FRYL: variants seen among roughly 807,000 people sequenced by gnomAD.
FRYL encodes the protein FRY like transcription coactivator.
A neutral mutation model predicts 351.2 loss-of-function variants in FRYL; 150 were observed. That is an observed-to-expected ratio of 0.43 (90% CI 0.37 to 0.49). The LOEUF (loss-of-function observed/expected upper bound fraction) is 0.49. Ranked by LOEUF, FRYL falls within the 20% of genes least tolerant of loss-of-function variation. The pLI, the probability that FRYL is intolerant of heterozygous loss-of-function variation, is 0.00. For missense variants in FRYL, 3,036 were observed against 3,619.3 expected (o/e 0.84, Z 4.13); for synonymous variants, 1,153 against 1,257.1 (o/e 0.92, Z 1.75).
chr4:48,522,274 C>T (rs1255685123), intron 54 of FRYL, among the ~76,000 whole-genome samples: 1 of 152,136 alleles, frequency 6.6e-6, no homozygotes, highest in Non-Finnish European at 1.5e-5. Context: ...GTGTGAGACC[C>T]TGTGCCTAAA....
chr4:48,525,162 GGTATAT>G lies in FRYL; in HGVS notation c.7318-2064_7318-2059del, dbSNP rs1383042094. ...TATTCTTGCAACTTTTATTTTTAAAGGTATATATATATATATATATATATATATATA... is the reference window on the plus strand; with the variant it reads ...TATTCTTGCAACTTTTATTTTTAAAGATATATATATATATATATATATATA... On this transcript the variant is annotated intron_variant, in intron 53 of 63. Coordinates refer to ENST00000358350, the MANE Select transcript of FRYL (RefSeq NM_015030.2). 1.0e-3 allele frequency among the ~76,000 whole-genome samples: 121 copies of G among 118,484 alleles called. 1 individual carries two copies. The highest frequency in any genetic ancestry group is 8.4e-3 in the Middle Eastern group (2 of 238). The allele number at this position is 118,484 out of a possible 152,430, so 77.7% of individuals were successfully genotyped here. A position where few individuals can be genotyped will look rare whatever the true frequency, so the allele number is the denominator to read the frequency against.
intron 9 of FRYL, among the ~76,000 whole-genome samples, chr4:48,607,262 A>G (rs551860066): frequency 1.3e-5 from 2 of 152,294 alleles, no homozygotes; most frequent in East Asian, 3.9e-4. Flanking sequence ...GACTTTACTG[A>G]TAATGTTACT....
At chr4:48,654,236 T>A (rs1336444424) in intron 3 of FRYL, among the ~76,000 whole-genome samples, 11 of 133,452 alleles carry the variant, frequency 8.2e-5, no homozygotes, top group South Asian at 2.4e-4. Flanking sequence ...AGAAATTTTT[T>A]AAAAAATAAA....
chr4:48,512,630 G>A lies in FRYL; in HGVS notation c.7996C>T (p.Pro2666Ser). 1 of 1,614,036 alleles carries A rather than the reference G, an allele frequency of 6.2e-7. No individual in the cohort carries two copies. Among genetic ancestry groups the A allele is most frequent in the Non-Finnish European group, 8.5e-7 (1 of 1,179,958 alleles). ...PEVQTSPLPS[P>S]FLSAIIAAFQ... Reference sequence around the variant, plus strand: ...GCGGCTATGATGGCAGAAAGAAATGGTGACGGCAGAGGCGACGTCTGTACT... The same window carrying A: ...GCGGCTATGATGGCAGAAAGAAATGATGACGGCAGAGGCGACGTCTGTACT... The change falls in exon 57 of 64, where the codon CCA becomes TCA. Residue 2666 changes from proline (P) to serine (S), a missense_variant. Pro to Ser is a moderately conservative substitution (Grantham distance 74, BLOSUM62 -1). Around this residue, in one of 7 missense-constraint regions of FRYL, gnomAD observed 1,987 missense variants for 2,311.7 expected, o/e 0.86. Coordinates refer to ENST00000358350, the MANE Select transcript of FRYL (RefSeq NM_015030.2).
At chr4:48,678,489 C>T (rs1321224411) in intron 3 of FRYL, among the ~76,000 whole-genome samples, 1 of 93,096 alleles carries the variant, frequency 1.1e-5, no homozygotes, top group Non-Finnish European at 1.9e-5. Flanking sequence ...AGCCTGGCGA[C>T]AGAGCAAAAC....
chr4:48,637,492 C>G (rs2149381840), intron 3 of FRYL: 1 of 151,978 alleles, frequency 6.6e-6, no homozygotes, highest in African/African-American at 2.4e-5. Context: ...ACATGCTAAC[C>G]CAAAATTTTG....
chr4:48,574,489 G>C (rs928414019), intron 25 of FRYL: 1 of 151,860 alleles, frequency 6.6e-6, no homozygotes, highest in South Asian at 2.1e-4. Flanking sequence ...TTAGCAAAAG[G>C]CAAAAGATTT....
intron 1 of FRYL, among the ~76,000 whole-genome samples, chr4:48,726,359 T>C (rs188248811): frequency 1.7e-3 from 260 of 152,338 alleles, no homozygotes; most frequent in African/African-American, 6.2e-3. Flanking sequence ...TGTTGGTCAA[T>C]GAAATGTGAG....
At chr4:48,562,498 A>G (rs182824324) in intron 32 of FRYL, among the ~76,000 whole-genome samples, 2 of 152,344 alleles carry the variant, frequency 1.3e-5, no homozygotes, top group Admixed American at 1.3e-4. Context: ...TCCTCAACCT[A>G]ATAAAGAAAA....
chr4:48,581,078 C>G, intron 21 of FRYL, 127 bp from the exon 22 acceptor site: 1 of 587,034 alleles, frequency 1.7e-6, no homozygotes. Flanking sequence ...CGGAGTCTCG[C>G]TCTGTCACCC....
Position 48,602,101 on chromosome 4 carries a change from G to A in FRYL, c.954C>T (p.Thr318=), listed in dbSNP as rs1203035604. 2.5e-6 allele frequency: 4 copies of A among 1,583,342 alleles called. No homozygotes were observed. The highest frequency in any genetic ancestry group is 1.7e-4 in the Middle Eastern group (1 of 5,984). The change falls in exon 13 of 64, where the codon ACC becomes ACT. Residue 318 remains threonine (T), a synonymous_variant. Transcript: ENST00000358350. The part of the protein sequence containing the change: ...KHSLALYPLI[T]CLLCVSQKQF... The stretch of plus-strand genomic sequence containing the variant: ...GTTTCTGACTGACACATAAAAGGCA[G>A]GTAATTAGTGGATATAAAGCCTATA...
Position 48,565,735 on chromosome 4 carries a change from T to C in FRYL, c.3170-44A>G, listed in dbSNP as rs1219379550. On this transcript the variant is annotated intron_variant, in intron 28 of 63. Coordinates refer to ENST00000358350, the MANE Select transcript of FRYL (RefSeq NM_015030.2). ...AGAAAACATTTATTTCCATTTCTTT[T>C]TGCTTTAACTTTTATACCAACATGT... The C allele has an allele frequency of 6.4e-6, 10 of 1,560,626 alleles. No homozygotes were observed. In the Admixed American group the frequency reaches 1.9e-4, roughly 30 times the overall value.
In FRYL at chr4:48,747,529, T is replaced by C. The variant is rs144510311; in HGVS notation, c.-384+32549A>G. On this transcript the variant is annotated intron_variant, in intron 1 of 63. Transcript: ENST00000358350. ...AATCTATTTCTTGATACATCAGCAA[T>C]ATGGACTTTACCAAAGATCATCTCA... 8.3e-4 allele frequency among the ~76,000 whole-genome samples: 126 copies of C among 152,338 alleles called. 1 individual carries two copies. The highest frequency in any genetic ancestry group is 2.5e-3 in the Admixed American group (38 of 15,300).
intron 53 of FRYL, among the ~76,000 whole-genome samples, chr4:48,523,990 C>A (rs967582253): frequency 6.6e-6 from 1 of 152,274 alleles, no homozygotes; most frequent in East Asian, 1.9e-4. Flanking sequence ...ATTTCAATTT[C>A]TCCCACTTAA....
chr4:48,532,272 A>C (rs916137881), intron 49 of FRYL, among the ~76,000 whole-genome samples: 2 of 152,250 alleles, frequency 1.3e-5, no homozygotes, highest in African/African-American at 4.8e-5. Flanking sequence ...TTGAGTTCAT[A>C]ACATCTTGCT....
intron 40 of FRYL, among the ~76,000 whole-genome samples, 179 bp from the exon 41 acceptor site, chr4:48,547,948 A>ATAG (rs1297223599): frequency 6.6e-6 from 1 of 152,162 alleles, no homozygotes; most frequent in African/African-American, 2.4e-5. Flanking sequence ...CTACTGTCTT[A>ATAG]TAGTACTAGG....
At chr4:48,508,333 G>A (rs1469367372) in intron 59 of FRYL, among the ~76,000 whole-genome samples, 1 of 152,102 alleles carries the variant, frequency 6.6e-6, no homozygotes, top group Non-Finnish European at 1.5e-5. Flanking sequence ...TAAACCTATA[G>A]ACCATTTTGG....
chr4:48,632,656 G>A (rs1363552612), intron 4 of FRYL, among the ~76,000 whole-genome samples: 3 of 151,746 alleles, frequency 2.0e-5, no homozygotes, highest in African/African-American at 7.3e-5. Context: ...GCAATCATGG[G>A]ATGATTTAAA....
chr4:48,688,577 T>C (rs1266000030), intron 2 of FRYL, among the ~76,000 whole-genome samples: 8 of 152,114 alleles, frequency 5.3e-5, no homozygotes, highest in African/African-American at 1.7e-4. Context: ...AATTGCTAAG[T>C]AATTCACTTT....
Sources: allele counts gnomAD v4.1 joint callset (sites outside exome capture counted in the v4.1 genomes callset), GRCh38; gene constraint gnomAD v4.1.1; regional missense constraint gnomAD v4.1.1; transcripts MANE v1.5; gene names NCBI Gene and HGNC (gene_info 2026-07-23, HGNC 2026-07-21).